The following NRG3 variants were observed in gnomAD, a reference collection of about 807,000 sequenced individuals.
NRG3 encodes the protein pro-neuregulin-3, membrane-bound isoform.
A neutral mutation model predicts 66.9 loss-of-function variants in NRG3; 31 were observed. The ratio of observed to expected loss-of-function variants is 0.46; its 90% CI spans 0.35 to 0.63. NRG3 has a LOEUF of 0.63. Ranked by LOEUF, NRG3 falls within the 20% of genes least tolerant of loss-of-function variation. NRG3 has a pLI of 0.00. For synonymous variants in NRG3, 393 were observed against 359.4 expected, an observed-to-expected ratio of 1.09 and a Z score of -1.06; for missense variants, 910 against 878.9, an observed-to-expected ratio of 1.04 and a Z score of -0.45.
At chr10:81,951,434 C>T (rs1849344515) in intron 1 of NRG3, among the ~76,000 whole-genome samples, 2 of 152,130 alleles carry the variant, frequency 1.3e-5, no homozygotes, top group Admixed American at 1.3e-4. Flanking sequence ...ATAATCTTTG[C>T]AATTAGCGTT....
intron 1 of NRG3, among the ~76,000 whole-genome samples, chr10:82,217,098 T>C (rs1174360444): frequency 1.3e-5 from 2 of 152,228 alleles, no homozygotes; most frequent in Non-Finnish European, 2.9e-5. Flanking sequence ...ATTTATTAAA[T>C]TTTCTTTCCT....
intron 2 of NRG3, among the ~76,000 whole-genome samples, chr10:82,616,368 C>CT (rs1208086360): frequency 6.6e-6 from 1 of 152,120 alleles, no homozygotes; most frequent in African/African-American, 2.4e-5. Context: ...GTGTACAATT[C>CT]TTTTTTCAGT....
intron 1 of NRG3, among the ~76,000 whole-genome samples, chr10:82,184,482 C>T (rs1339578237): frequency 1.3e-5 from 2 of 152,076 alleles, no homozygotes; most frequent in Non-Finnish European, 2.9e-5. Context: ...TGCTTTAAAG[C>T]TTTTGAAGGC....
intron 3 of NRG3, among the ~76,000 whole-genome samples, chr10:82,745,727 T>C (rs1424832707): frequency 1.3e-5 from 2 of 152,136 alleles, no homozygotes; most frequent in Admixed American, 1.3e-4. Context: ...CAATCATGTA[T>C]GCAAACACAT....
At chr10:82,649,064 A>G (rs2051195199) in intron 2 of NRG3, among the ~76,000 whole-genome samples, 2 of 152,198 alleles carry the variant, frequency 1.3e-5, no homozygotes, top group Non-Finnish European at 2.9e-5. Context: ...AAACTGGCAC[A>G]AGACAGGGAT....
intron 2 of NRG3, among the ~76,000 whole-genome samples, chr10:82,412,009 A>C (rs1328720986): frequency 2.6e-5 from 4 of 152,174 alleles, no homozygotes; most frequent in African/African-American, 9.6e-5. Flanking sequence ...GTCAAGAAGA[A>C]GAATGAGTCT....
chr10:82,828,844 C>T lies in NRG3; in HGVS notation c.1028-36567C>T, dbSNP rs544654251. On this transcript the variant is annotated intron_variant, in intron 3 of 8. Transcript: ENST00000372141. The stretch of plus-strand genomic sequence containing the variant: ...ACATAACCAGCTTCTTCCGCCTTCC[C>T]TTAGATGATAGTCCTGAAGCTGCTA... Among the ~76,000 whole-genome samples the T allele has an allele frequency of 6.0e-3, 919 of 152,204 alleles. 3 individuals carry two copies. Among genetic ancestry groups the T allele is most frequent in the Non-Finnish European group, 0.01 (688 of 68,020 alleles).
At chr10:82,281,619 G>A (rs1249770057) in intron 1 of NRG3, among the ~76,000 whole-genome samples, 1 of 152,174 alleles carries the variant, frequency 6.6e-6, no homozygotes, top group Non-Finnish European at 1.5e-5. Flanking sequence ...GGACACTCCA[G>A]TGGCTCCTGT....
intron 3 of NRG3, among the ~76,000 whole-genome samples, chr10:82,814,684 ACT>A (rs2061631615): frequency 6.6e-6 from 1 of 152,032 alleles, no homozygotes; most frequent in Non-Finnish European, 1.5e-5. Flanking sequence ...TCAGAATTTT[ACT>A]CTTTTATTTT....
At position 82,807,340 on chromosome 10, in the gene NRG3, G is replaced by A. The variant is rs572578350; in HGVS notation, c.1028-58071G>A. Among the ~76,000 whole-genome samples, 7 of 152,272 alleles carry A rather than the reference G, an allele frequency of 4.6e-5. No individual in the cohort carries two copies. In the East Asian group the frequency reaches 1.4e-3, roughly 29 times the overall value. ...AACATCAATTTGAGCAAGTAAACTT[G>A]CAAGGACTCAATAAGGGGAACTGAC... On this transcript the variant is annotated intron_variant, in intron 3 of 8. Transcript: ENST00000372141.
intron 1 of NRG3, among the ~76,000 whole-genome samples, chr10:82,036,082 A>G (rs1407021775): frequency 6.6e-6 from 1 of 152,024 alleles, no homozygotes; most frequent in Non-Finnish European, 1.5e-5. Context: ...TTCATCTATG[A>G]TTTTCATTCT....
At position 82,269,914 on chromosome 10, in the gene NRG3, A is replaced by G. The variant is rs1169393865; in HGVS notation, c.824-88825A>G. ...CCAGATTGAGTTAGGCTTAAATCCT[A>G]ACTCAGCCATGTGCTTCATGTATGA... On this transcript the variant is annotated intron_variant, in intron 1 of 8. Coordinates refer to ENST00000372141, the MANE Select transcript of NRG3 (RefSeq NM_001010848.4). Among the ~76,000 whole-genome samples the G allele has an allele frequency of 1.7e-4, 26 of 152,138 alleles. 1 individual carries two copies. Among genetic ancestry groups the G allele is most frequent in the Admixed American group, 1.6e-3 (25 of 15,270 alleles).
intron 2 of NRG3, among the ~76,000 whole-genome samples, chr10:82,442,663 A>G (rs538670931): frequency 1.3e-5 from 2 of 152,226 alleles, no homozygotes; most frequent in Admixed American, 6.5e-5. Flanking sequence ...TTACCTATGG[A>G]AAGAAAAATA....
At chr10:82,287,659 A>T (rs1296425094) in intron 1 of NRG3, among the ~76,000 whole-genome samples, 1 of 152,090 alleles carries the variant, frequency 6.6e-6, no homozygotes, top group African/African-American at 2.4e-5. Flanking sequence ...GATCTTTCTT[A>T]TAAGAGAATT....
chr10:82,959,347 A>G (rs974049563), intron 6 of NRG3, among the ~76,000 whole-genome samples: 1 of 152,182 alleles, frequency 6.6e-6, no homozygotes, highest in African/African-American at 2.4e-5. Flanking sequence ...TTGTCCCATG[A>G]ACACTTGTTG....
intron 2 of NRG3, among the ~76,000 whole-genome samples, chr10:82,412,796 T>C (rs989707958): frequency 6.6e-6 from 1 of 152,218 alleles, no homozygotes; most frequent in Non-Finnish European, 1.5e-5. Flanking sequence ...ACTTCAACAA[T>C]GTTCACAGCA....
intron 1 of NRG3, among the ~76,000 whole-genome samples, chr10:82,217,773 A>G (rs2992776): frequency 0.11 from 16,876 of 152,210 alleles, 1,053 homozygotes; most frequent in Middle Eastern, 0.18. Flanking sequence ...TCCTCTATCA[A>G]TGATTGCAGA....
At chr10:81,896,036 C>T (rs549320477) in intron 1 of NRG3, among the ~76,000 whole-genome samples, 63 of 152,048 alleles carry the variant, frequency 4.1e-4, no homozygotes, top group African/African-American at 1.4e-3. Flanking sequence ...AAATATTGTA[C>T]GTAGGAACTG....
At chr10:81,991,671 A>G (rs937728918) in intron 1 of NRG3, among the ~76,000 whole-genome samples, 1 of 152,142 alleles carries the variant, frequency 6.6e-6, no homozygotes, top group Non-Finnish European at 1.5e-5. Context: ...CCACACAAAA[A>G]CAAAACAAAA....
Sources: allele counts gnomAD v4.1 joint callset (sites outside exome capture counted in the v4.1 genomes callset), GRCh38; gene constraint gnomAD v4.1.1; transcripts MANE v1.5; gene names NCBI Gene and HGNC (gene_info 2026-07-23, HGNC 2026-07-21).